Variants in ZAN observed in about 807,000 individuals in gnomAD.
The protein encoded by ZAN is zonadhesin (gene/pseudogene).
ZAN carries 260 observed loss-of-function variants against 286.2 expected under a neutral mutation model. That is an observed-to-expected ratio of 0.91 (90% CI 0.82 to 1.01). ZAN has a LOEUF of 1.01. Ranked by LOEUF, ZAN falls within the 50% of genes least tolerant of loss-of-function variation. The probability of loss-of-function intolerance (pLI) is 0.00; values close to 1 mark genes in which losing one functional copy is unlikely to be tolerated. For missense variants in ZAN, 3,410 were observed against 3,639.2 expected (o/e 0.94, Z 1.62); for synonymous variants, 1,368 against 1,417.5 (o/e 0.97, Z 0.79).
rs771874389 is a variant in ZAN, at chr7:100,751,818, A to C, written c.1713A>C (p.Thr571=). The C allele has an allele frequency of 1.9e-4, 305 of 1,613,592 alleles. No individual in the cohort carries two copies. The highest frequency in any genetic ancestry group is 2.4e-4 in the Non-Finnish European group (278 of 1,179,836). Reference sequence around the variant, plus strand: ...CTACAATCTCCACCAAGAAACCTACAGTTTCCATAGAAAAACCCAGTGTCA... The same window carrying C: ...CTACAATCTCCACCAAGAAACCTACCGTTTCCATAGAAAAACCCAGTGTCA... ...ENPTISTKKP[T]VSIEKPSVTT... Residue 571 remains threonine (T), a synonymous_variant, in exon 14 of 48, where the codon ACA becomes ACC. Coordinates refer to ENST00000613979, the MANE Select transcript of ZAN (RefSeq NM_003386.3).
Position 100,758,085 on chromosome 7 carries a change from CAAATAAATAAATAAATAAAT to C in ZAN, c.3310-92_3310-73del, listed in dbSNP as rs71517126. 7.5e-5 allele frequency: 60 copies of C among 795,780 alleles called. 1 individual carries two copies. The highest frequency in any genetic ancestry group is 4.8e-4 in the African/African-American group (23 of 48,076). The allele number at this position is 795,780 out of a possible 1,614,324, so 49.3% of individuals were successfully genotyped here. ...TGGGCAACAGAGCAAGACTCCATCA[CAAATAAATAAATAAATAAAT>C]AAATAAATAAATAAATAAATAAATG... is the stretch of plus-strand genomic sequence containing the variant. On this transcript the variant is annotated intron_variant, in intron 15 of 47. Coordinates refer to ENST00000613979, the MANE Select transcript of ZAN (RefSeq NM_003386.3).
At chr7:100,762,781 C>T (rs962634170) in intron 20 of ZAN, among the ~76,000 whole-genome samples, 2 of 149,646 alleles carry the variant, frequency 1.3e-5, no homozygotes, top group African/African-American at 2.5e-5. Flanking sequence ...CCTCTGTCTT[C>T]CAAGCTGGAG....
chr7:100,736,508 G>A lies in ZAN; in HGVS notation c.132G>A (p.Glu44=), dbSNP rs182342465. ...ATGTCCTCACCCAGTGTGATTTTGA[G>A]GATGACGCCAAACCCCTCTGTGACT... The part of the protein sequence containing the change: ...DNYVLTQCDF[E]DDAKPLCDWS... Residue 44 remains glutamate, a synonymous_variant, in exon 4 of 48, where the codon GAG becomes GAA. Transcript: ENST00000613979. 7.9e-6 allele frequency: 12 copies of A among 1,524,202 alleles called. 2 individuals are homozygous for A. Among genetic ancestry groups the A allele is most frequent in the Admixed American group, 6.9e-5 (4 of 57,614 alleles). The allele number at this position is 1,524,202 out of a possible 1,614,324, so 94.4% of individuals were successfully genotyped here. A position where few individuals can be genotyped will look rare whatever the true frequency, so the allele number is the denominator to read the frequency against.
rs1810708201 is a variant in ZAN, at chr7:100,775,538, A to G, written c.5990A>G (p.Asp1997Gly). Residue 1997 changes from aspartate (D) to glycine (G), a missense_variant, in exon 32 of 48, where the codon GAT (aspartate) becomes GGT (glycine). Coordinates refer to ENST00000613979, the MANE Select transcript of ZAN (RefSeq NM_003386.3). ...RLHEVYIDIY[D>G]AQVTLQKGHR... The stretch of plus-strand genomic sequence containing the variant: ...CATGAGGTCTACATTGACATCTACG[A>G]TGCCCAGGTCACCCTGCAGAAGGGC... The G allele has an allele frequency of 6.2e-7, 1 of 1,613,900 alleles. No individual in the cohort carries two copies. Among genetic ancestry groups the G allele is most frequent in the Non-Finnish European group, 8.5e-7 (1 of 1,179,866 alleles).
intron 15 of ZAN, 128 bp from the exon 16 acceptor site, chr7:100,758,074 A>C: frequency 1.1e-6 from 1 of 915,672 alleles, no homozygotes; most frequent in Non-Finnish European, 1.4e-6. Flanking sequence ...CAACAGAGCA[A>C]GACTCCATCA....
At chr7:100,785,224 T>A (rs1811481843) in intron 36 of ZAN, among the ~76,000 whole-genome samples, 1 of 3,264 alleles carries the variant, frequency 3.1e-4, no homozygotes, top group Non-Finnish European at 1.2e-3. Flanking sequence ...ACACAGTGCC[T>A]TTTTTTTTTT....
chr7:100,789,892 C>T (rs1811823147), intron 39 of ZAN, among the ~76,000 whole-genome samples: 1 of 152,036 alleles, frequency 6.6e-6, no homozygotes, highest in Admixed American at 6.6e-5. Context: ...TTGCAGTGAG[C>T]TGAGATCGTG....
Position 100,738,547 on chromosome 7 carries a change from A to T in ZAN, c.700A>T (p.Thr234Ser), listed in dbSNP as rs555668643. Reference protein sequence around the residue: ...WIPTASGAKWTQKKGSSGKPG... With the variant: ...WIPTASGAKWSQKKGSSGKPG... Reference sequence around the variant, plus strand: ...CCCAACTGCCTCCGGGGCCAAGTGGACTCAGAAGAAAGGGTCATCAGGAAA... The same window carrying T: ...CCCAACTGCCTCCGGGGCCAAGTGGTCTCAGAAGAAAGGGTCATCAGGAAA... The change falls in exon 7 of 48, where the codon ACT (threonine) becomes TCT (serine). Residue 234 changes from threonine (T) to serine (S), a missense_variant. Coordinates refer to ENST00000613979, the MANE Select transcript of ZAN (RefSeq NM_003386.3). 19 of 1,513,168 alleles carry T rather than the reference A, an allele frequency of 1.3e-5. 2 individuals carry two copies. The South Asian group carries it at 1.9e-4, about 15-fold the overall frequency. 93.7% of individuals were successfully genotyped at this position (1,513,168 alleles called of 1,614,324 possible). A position where few individuals can be genotyped will look rare whatever the true frequency, so the allele number is the denominator to read the frequency against.
At chr7:100,750,985 A>C in intron 12 of ZAN, 89 bp downstream of exon 12, 1 of 1,496,076 alleles carries the variant, frequency 6.7e-7, no homozygotes, top group Non-Finnish European at 8.9e-7. Flanking sequence ...GAAGAGGTGG[A>C]AAGCTGGAAA....
chr7:100,749,470 C>T (rs1003618465), intron 11 of ZAN, among the ~76,000 whole-genome samples: 2 of 150,678 alleles, frequency 1.3e-5, no homozygotes, highest in South Asian at 2.1e-4. Flanking sequence ...GAAACCCCGT[C>T]CCTACTAAAA....
Position 100,794,158 on chromosome 7 carries a change from G to T in ZAN, c.8025G>T (p.Arg2675=). 1 of 1,614,028 alleles carries T rather than the reference G, an allele frequency of 6.2e-7. No homozygotes were observed. The highest frequency in any genetic ancestry group is 8.5e-7 in the Non-Finnish European group (1 of 1,179,894). Residue 2675 remains arginine (R), a synonymous_variant, in exon 44 of 48, where the codon CGG becomes CGT. Transcript: ENST00000613979. ...SSFLTEDCSQ[R]CTCASSRILL... is the part of the protein sequence containing the mutation. ...TTCTGACTGAGGACTGCTCTCAGCG[G>T]TGCACCTGTGCCAGCTCACGGATCC... is the stretch of plus-strand genomic sequence containing the variant.
intron 39 of ZAN, 111 bp downstream of exon 39, chr7:100,789,458 G>T (rs1562956659): frequency 6.6e-7 from 1 of 1,505,144 alleles, no homozygotes; most frequent in South Asian, 1.3e-5. Context: ...CGGTAGTGGG[G>T]CACCCAGCTT....
At chr7:100,794,355 A>G in intron 44 of ZAN, 97 bp downstream of exon 44, 1 of 1,498,026 alleles carries the variant, frequency 6.7e-7, no homozygotes, top group Non-Finnish European at 8.9e-7. Context: ...ACTCTTCCAC[A>G]TTGATTTCAG....
In ZAN at chr7:100,767,841, ATCGGGTGGCCCT is replaced by A; in HGVS notation, c.4872_4883del (p.His1624_Leu1628delinsGln). 1 of 1,612,878 alleles carries A rather than the reference ATCGGGTGGCCCT, an allele frequency of 6.2e-7. No homozygotes were observed. Among genetic ancestry groups the A allele is most frequent in the Non-Finnish European group, 8.5e-7 (1 of 1,179,550 alleles). On this transcript the variant is annotated inframe_deletion, in exon 26 of 48. Coordinates refer to ENST00000613979, the MANE Select transcript of ZAN (RefSeq NM_003386.3). ...TCCCTGCCTCTGCAGCTGAATGGCCATCGGGTGGCCCTACCTGTGTGGCTTGCACAAGGCCGG... is the reference window on the plus strand; with the variant it reads ...TCCCTGCCTCTGCAGCTGAATGGCCAACCTGTGTGGCTTGCACAAGGCCGG...
At chr7:100,735,636 C>A in intron 2 of ZAN, 84 bp from the exon 3 acceptor site, 1 of 1,085,226 alleles carries the variant, frequency 9.2e-7, no homozygotes, top group Non-Finnish European at 1.4e-6. Context: ...TACGTGACCA[C>A]TCAGAAAGCT....
rs76996055 is a variant in ZAN at position 100,756,540 on chromosome 7, C to G, written c.3309+1130C>G. ...GAGCTTCTGCTTGTCCCTTTTGGGA[C>G]TATTATTTCTTTCCCCTGCCTCCTT... On this transcript the variant is annotated intron_variant, in intron 15 of 47. Transcript: ENST00000613979. Among the ~76,000 whole-genome samples the G allele has an allele frequency of 2.3e-3, 344 of 152,162 alleles. 1 individual carries two copies. Among genetic ancestry groups the G allele is most frequent in the African/African-American group, 8.0e-3 (330 of 41,498 alleles).
At chr7:100,781,371 A>C (rs1811184786) in intron 35 of ZAN, among the ~76,000 whole-genome samples, 1 of 152,118 alleles carries the variant, frequency 6.6e-6, no homozygotes, top group African/African-American at 2.4e-5. Context: ...CGGCCAAGAA[A>C]GTTTATTTTT....
At chr7:100,770,092 G>A (rs1810273261) in intron 28 of ZAN, 118 bp downstream of exon 28, 2 of 1,005,464 alleles carry the variant, frequency 2.0e-6, no homozygotes, top group African/African-American at 3.2e-5. Context: ...CATGAGGAAG[G>A]CAAATGGGAA....
chr7:100,736,421 T>G lies in ZAN; in HGVS notation c.107-62T>G. The G allele has an allele frequency of 8.2e-6, 12 of 1,465,968 alleles. 3 individuals are homozygous for G. Among genetic ancestry groups the G allele is most frequent in the Non-Finnish European group, 1.1e-5 (12 of 1,055,382 alleles). The allele number at this position is 1,465,968 out of a possible 1,614,324, so 90.8% of individuals were successfully genotyped here. ...AGCAATCTTGCTACTTCCCTCTCCCTGTGTGGCTCTGGGCCCTGCCCCTGC... is the reference window on the plus strand; with the variant it reads ...AGCAATCTTGCTACTTCCCTCTCCCGGTGTGGCTCTGGGCCCTGCCCCTGC... On this transcript the variant is annotated intron_variant, in intron 3 of 47. Coordinates refer to ENST00000613979, the MANE Select transcript of ZAN (RefSeq NM_003386.3).
Sources: gnomAD v4.1 joint callset for allele counts (sites outside exome capture counted in the v4.1 genomes callset) on GRCh38, gnomAD v4.1.1 for gene constraint, MANE v1.5 for transcripts, NCBI Gene and HGNC (gene_info 2026-07-23, HGNC 2026-07-21) for gene names.